Variants in RSRC1 observed in about 807,000 individuals in gnomAD.
RSRC1 encodes arginine and serine rich coiled-coil 1.
Under a neutral mutation model 49.1 loss-of-function variants are expected in RSRC1, and 39 were observed. The observed-to-expected ratio is 0.79, with a 90% CI of 0.61 to 1.04. The LOEUF (loss-of-function observed/expected upper bound fraction) is 1.04. Among genes scored for constraint, RSRC1 ranks in the 50% least tolerant of loss-of-function variants. The pLI, the probability that RSRC1 is intolerant of heterozygous loss-of-function variation, is 0.00. For synonymous variants in RSRC1, 143 were observed against 130.8 expected, an observed-to-expected ratio of 1.09 and a Z score of -0.63; for missense variants, 388 against 402.4, an observed-to-expected ratio of 0.96 and a Z score of 0.31.
intron 7 of RSRC1, among the ~76,000 whole-genome samples, chr3:158,525,966 T>G (rs1379032144): frequency 2.4e-4 from 36 of 151,938 alleles, no homozygotes; most frequent in Admixed American, 2.4e-3. Flanking sequence ...GTTGTAGTGG[T>G]AACACAGAAT....
At chr3:158,273,795 G>A (rs936867730) in intron 4 of RSRC1, among the ~76,000 whole-genome samples, 13 of 151,954 alleles carry the variant, frequency 8.6e-5, no homozygotes, top group African/African-American at 3.1e-4. Context: ...AAGTAAGCAG[G>A]GACATTTCTT....
chr3:158,413,310 C>T (rs988667689), intron 6 of RSRC1, among the ~76,000 whole-genome samples: 7 of 152,144 alleles, frequency 4.6e-5, no homozygotes, highest in Non-Finnish European at 8.8e-5. Context: ...AACTGAACCC[C>T]TTCCTTACAC....
At chr3:158,456,032 G>A (rs1408253907) in intron 6 of RSRC1, among the ~76,000 whole-genome samples, 1 of 123,966 alleles carries the variant, frequency 8.1e-6, no homozygotes, top group Admixed American at 8.9e-5. Context: ...CACAATTTTT[G>A]TATTAATTTT....
At chr3:158,360,205 G>A (rs1178196201) in intron 6 of RSRC1, among the ~76,000 whole-genome samples, 1 of 152,120 alleles carries the variant, frequency 6.6e-6, no homozygotes, top group African/African-American at 2.4e-5. Context: ...CCTTGTCTCT[G>A]CAGCTCTCAG....
intron 3 of RSRC1, among the ~76,000 whole-genome samples, chr3:158,180,419 CGTGTGTGTGT>C (rs374155981): frequency 9.8e-5 from 4 of 40,776 alleles, no homozygotes; most frequent in African/African-American, 2.3e-4. Flanking sequence ...TTTTTTTTGC[CGTGTGTGTGT>C]GTGTGTGTGT....
chr3:158,315,131 C>T (rs975871104), intron 5 of RSRC1, among the ~76,000 whole-genome samples: 2 of 152,082 alleles, frequency 1.3e-5, no homozygotes, highest in African/African-American at 4.8e-5. Flanking sequence ...AATGTAAACT[C>T]TTTACTGTTG....
chr3:158,262,063 T>G (rs1014924942), intron 4 of RSRC1, among the ~76,000 whole-genome samples: 3 of 152,188 alleles, frequency 2.0e-5, no homozygotes, highest in African/African-American at 7.2e-5. Flanking sequence ...GGTTGGGAAC[T>G]GTTGCTTTAA....
intron 3 of RSRC1, among the ~76,000 whole-genome samples, chr3:158,196,778 G>A (rs1011169697): frequency 1.3e-5 from 2 of 152,118 alleles, no homozygotes; most frequent in African/African-American, 4.8e-5. Flanking sequence ...TTTGTCATTG[G>A]TTCTGTTAAT....
chr3:158,199,868 G>A (rs982514580), intron 3 of RSRC1, among the ~76,000 whole-genome samples: 10 of 152,110 alleles, frequency 6.6e-5, no homozygotes, highest in Admixed American at 5.9e-4. Context: ...TTTGGTCAGA[G>A]AAACATGTTC....
intron 6 of RSRC1, among the ~76,000 whole-genome samples, chr3:158,417,214 A>G (rs181783537): frequency 6.6e-5 from 10 of 152,166 alleles, no homozygotes; most frequent in African/African-American, 1.4e-4. Context: ...TTACCAGTGC[A>G]GTTGGAATAG....
chr3:158,316,477 C>T (rs867878335), intron 5 of RSRC1, among the ~76,000 whole-genome samples: 1 of 105,334 alleles, frequency 9.5e-6, no homozygotes, highest in Non-Finnish European at 1.8e-5. Context: ...GACGGAGTCT[C>T]GCTGTCGCCC....
intron 5 of RSRC1, among the ~76,000 whole-genome samples, chr3:158,350,166 A>G (rs1378300454): frequency 3.1e-5 from 4 of 130,496 alleles, no homozygotes; most frequent in Non-Finnish European, 6.3e-5. Flanking sequence ...ACAGAAATAT[A>G]TATATATATA....
At chr3:158,349,829 CT>C (rs1730767240) in intron 5 of RSRC1, among the ~76,000 whole-genome samples, 1 of 149,662 alleles carries the variant, frequency 6.7e-6, no homozygotes, top group African/African-American at 2.5e-5. Context: ...TCCTGAGTAA[CT>C]GGGATTACAG....
At position 158,131,952 on chromosome 3, in the gene RSRC1, T is replaced by G. The variant is rs376972480; in HGVS notation, c.320+7961T>G. On this transcript the variant is annotated intron_variant, in intron 3 of 9. Coordinates refer to ENST00000611884, the MANE Select transcript of RSRC1 (RefSeq NM_001271838.2). Reference sequence around the variant, plus strand: ...TGCACACTGTAAAGGCCAGCATAAATGCTATTGTTTTCTTTAGAAGTCATT... The same window carrying G: ...TGCACACTGTAAAGGCCAGCATAAAGGCTATTGTTTTCTTTAGAAGTCATT... 3.0e-5 allele frequency: 6 copies of G among 201,382 alleles called. No homozygotes were observed. The East Asian group carries it at 3.3e-4, about 11-fold the overall frequency. 12.5% of individuals were successfully genotyped at this position (201,382 alleles called of 1,614,324 possible).
At chr3:158,254,711 T>C (rs1724432158) in intron 4 of RSRC1, among the ~76,000 whole-genome samples, 1 of 152,008 alleles carries the variant, frequency 6.6e-6, no homozygotes, top group Admixed American at 6.6e-5. Flanking sequence ...GGATTACAGG[T>C]GTGAGTGACC....
intron 4 of RSRC1, among the ~76,000 whole-genome samples, chr3:158,241,336 CT>C: frequency 6.6e-6 from 1 of 152,078 alleles, no homozygotes; most frequent in Admixed American, 6.5e-5. Context: ...GTAGTTCCAG[CT>C]ACTCAGGAGG....
chr3:158,420,301 T>A (rs1346454887), intron 6 of RSRC1, among the ~76,000 whole-genome samples: 1 of 151,932 alleles, frequency 6.6e-6, no homozygotes, highest in Non-Finnish European at 1.5e-5. Flanking sequence ...GGAAACAAAT[T>A]TGGTTGAAAG....
rs1305618940 is a variant in RSRC1, at chr3:158,470,355, C to CATATAT, written c.652+9353_652+9354insTATATA. Among the ~76,000 whole-genome samples the CATATAT allele has an allele frequency of 8.2e-4, 96 of 117,190 alleles. 1 individual carries two copies. Among genetic ancestry groups the CATATAT allele is most frequent in the African/African-American group, 3.4e-3 (93 of 27,182 alleles). 76.9% of individuals were successfully genotyped at this position (117,190 alleles called of 152,430 possible). A position where few individuals can be genotyped will look rare whatever the true frequency, so the allele number is the denominator to read the frequency against. On this transcript the variant is annotated intron_variant, in intron 7 of 9. Transcript: ENST00000611884. ...ACACACACACACACACACACACACA[C>CATATAT]ACACACATATATATATATATATATA...
chr3:158,462,689 T>G (rs1737678494), intron 7 of RSRC1, among the ~76,000 whole-genome samples: 1 of 152,170 alleles, frequency 6.6e-6, no homozygotes, highest in East Asian at 1.9e-4. Flanking sequence ...TCTACAGCTC[T>G]CTTGTTTTCA....
Sources: allele counts gnomAD v4.1 joint callset (sites outside exome capture counted in the v4.1 genomes callset), GRCh38; gene constraint gnomAD v4.1.1; transcripts MANE v1.5; gene names NCBI Gene and HGNC (gene_info 2026-07-23, HGNC 2026-07-21).